Variants in RALYL observed in about 807,000 individuals in gnomAD.
The protein encoded by RALYL is RALY RNA binding protein like.
A neutral mutation model predicts 35.1 loss-of-function variants in RALYL; 29 were observed. That is an observed-to-expected ratio of 0.83 (90% CI 0.61 to 1.13). RALYL has a LOEUF of 1.13. RALYL is among the 50% of genes most tolerant of loss of function. The pLI is 0.00. For missense variants in RALYL, 359 were observed against 360.4 expected, an observed-to-expected ratio of 1.00 and a Z score of 0.03; for synonymous variants, 120 against 127.6, an observed-to-expected ratio of 0.94 and a Z score of 0.40.
intron 8 of RALYL, among the ~76,000 whole-genome samples, chr8:84,918,744 T>C (rs1848862570): frequency 6.6e-6 from 1 of 152,144 alleles, no homozygotes; most frequent in Admixed American, 6.6e-5. Context: ...TGTTTTTAGA[T>C]AAGGAGAAAT....
intron 1 of RALYL, among the ~76,000 whole-genome samples, chr8:84,424,835 G>A (rs1483245259): frequency 6.6e-6 from 1 of 151,952 alleles, no homozygotes; most frequent in South Asian, 2.1e-4. Context: ...TGCCCCTGCT[G>A]GGGGGTGCCT....
chr8:84,289,021 G>T (rs1009587469), intron 1 of RALYL, among the ~76,000 whole-genome samples: 6 of 152,106 alleles, frequency 3.9e-5, no homozygotes, highest in African/African-American at 1.4e-4. Flanking sequence ...ACTTTTAAGC[G>T]CTGGGGTGAG....
intron 1 of RALYL, among the ~76,000 whole-genome samples, chr8:84,374,539 C>T (rs117893056): frequency 0.11 from 17,006 of 151,782 alleles, 1,344 homozygotes; most frequent in Non-Finnish European, 0.18. Flanking sequence ...TACTATGCAG[C>T]CATAAAAATA....
At chr8:84,387,648 C>T (rs1488602377) in intron 1 of RALYL, among the ~76,000 whole-genome samples, 4 of 151,658 alleles carry the variant, frequency 2.6e-5, no homozygotes, top group Non-Finnish European at 4.4e-5. Context: ...GAACCACTCT[C>T]TCCCCTACAC....
intron 2 of RALYL, among the ~76,000 whole-genome samples, chr8:84,772,575 A>G (rs1815813219): frequency 6.6e-6 from 1 of 152,048 alleles, no homozygotes; most frequent in African/African-American, 2.4e-5. Context: ...TTACCCCTTA[A>G]TACTTTGTCT....
intron 2 of RALYL, among the ~76,000 whole-genome samples, chr8:84,565,536 G>A (rs1269721844): frequency 2.6e-5 from 4 of 151,446 alleles, no homozygotes; most frequent in African/African-American, 9.7e-5. Flanking sequence ...AGGGATTACT[G>A]AGGGTTGAAA....
At chr8:84,871,120 T>C (rs941830515) in intron 6 of RALYL, among the ~76,000 whole-genome samples, 2 of 152,168 alleles carry the variant, frequency 1.3e-5, no homozygotes, top group Admixed American at 6.5e-5. Flanking sequence ...CATTGTTTCT[T>C]GAGTAACATT....
intron 1 of RALYL, among the ~76,000 whole-genome samples, chr8:84,527,639 A>G (rs1470486423): frequency 2.6e-5 from 4 of 152,182 alleles, no homozygotes; most frequent in African/African-American, 9.7e-5. Context: ...TTCTTGTTTC[A>G]TTAATTCTCA....
chr8:84,497,637 T>G (rs1357971370), intron 1 of RALYL, among the ~76,000 whole-genome samples: 6 of 129,956 alleles, frequency 4.6e-5, no homozygotes, highest in African/African-American at 1.8e-4. Context: ...GTTGTTTTTG[T>G]TTTTGTTTTT....
chr8:84,253,398 CA>C, intron 1 of RALYL, among the ~76,000 whole-genome samples: 1 of 147,654 alleles, frequency 6.8e-6, no homozygotes, highest in East Asian at 2.0e-4. Context: ...GATGGGTTTT[CA>C]CCATGTTGGC....
intron 3 of RALYL, among the ~76,000 whole-genome samples, chr8:84,780,262 A>T (rs886825364): frequency 1.3e-5 from 2 of 152,130 alleles, no homozygotes; most frequent in African/African-American, 4.8e-5. Context: ...AACTGACACA[A>T]GCCCAAACAC....
intron 1 of RALYL, among the ~76,000 whole-genome samples, chr8:84,411,873 T>C (rs1441782078): frequency 6.6e-6 from 1 of 152,002 alleles, no homozygotes; most frequent in African/African-American, 2.4e-5. Context: ...GGCTTAAATG[T>C]CACCTTTGCC....
intron 1 of RALYL, among the ~76,000 whole-genome samples, chr8:84,523,359 C>A (rs1484445219): frequency 2.0e-5 from 3 of 151,840 alleles, no homozygotes; most frequent in Admixed American, 6.6e-5. Context: ...GAAAAAAAAA[C>A]CCACTCCCAT....
At chr8:84,632,542 C>T (rs138512776) in intron 2 of RALYL, among the ~76,000 whole-genome samples, 70 of 151,482 alleles carry the variant, frequency 4.6e-4, no homozygotes, top group African/African-American at 1.3e-3. Context: ...AAAAAAATAA[C>T]AGTTGTCAAT....
chr8:84,880,267 G>C (rs1337643786), intron 7 of RALYL, among the ~76,000 whole-genome samples: 1 of 152,072 alleles, frequency 6.6e-6, no homozygotes, highest in African/African-American at 2.4e-5. Flanking sequence ...TTGCAAGTTT[G>C]CTAAAGCAAA....
chr8:84,619,534 T>C (rs1291766350), intron 2 of RALYL, among the ~76,000 whole-genome samples: 9 of 147,384 alleles, frequency 6.1e-5, no homozygotes, highest in African/African-American at 2.3e-4. Flanking sequence ...TGATGGGTCT[T>C]GACTCTTTAT....
intron 2 of RALYL, among the ~76,000 whole-genome samples, chr8:84,741,482 C>T (rs558443035): frequency 9.9e-5 from 15 of 152,140 alleles, no homozygotes; most frequent in South Asian, 4.1e-4. Context: ...GGCTGCTCTC[C>T]GCTTCCAAGA....
In RALYL at chr8:84,447,116, G is replaced by A. The variant is rs772806802; in HGVS notation, c.-23-82183G>A. ...TCTGCTTTAGTTCATTATATTACTT[G>A]TCTGATTCCAGGAGACATCTGAGTT... On this transcript the variant is annotated intron_variant, in intron 1 of 8. Coordinates refer to ENST00000521268, the MANE Select transcript of RALYL (RefSeq NM_173848.7). Among the ~76,000 whole-genome samples, 5 of 152,020 alleles carry A rather than the reference G, an allele frequency of 3.3e-5. No homozygotes were observed. In the South Asian group the frequency reaches 6.2e-4, roughly 19 times the overall value.
At chr8:84,757,876 A>C (rs1029369964) in intron 2 of RALYL, among the ~76,000 whole-genome samples, 2 of 152,188 alleles carry the variant, frequency 1.3e-5, no homozygotes, top group African/African-American at 4.8e-5. Flanking sequence ...TATATGGCAA[A>C]GTAAAAAACC....
Sources: allele counts gnomAD v4.1 joint callset (sites outside exome capture counted in the v4.1 genomes callset), GRCh38; gene constraint gnomAD v4.1.1; transcripts MANE v1.5; gene names NCBI Gene and HGNC (gene_info 2026-07-23, HGNC 2026-07-21).